PIP4K2A: variants seen among roughly 807,000 people sequenced by gnomAD.
PIP4K2A encodes the protein phosphatidylinositol 5-phosphate 4-kinase type-2 alpha.
PIP4K2A carries 14 observed loss-of-function variants against 42.9 expected under a neutral mutation model. The observed-to-expected ratio is 0.33, with a 90% CI of 0.22 to 0.51. PIP4K2A has a LOEUF of 0.51. Ranked by LOEUF, PIP4K2A falls within the 20% of genes least tolerant of loss-of-function variation. The pLI is 0.97. For missense variants in PIP4K2A, 434 were observed against 519.8 expected (o/e 0.83, Z 1.61); for synonymous variants, 192 against 192.2 (o/e 1.00, Z 0.01).
At chr10:22,652,122 A>ATT (rs35572224) in intron 1 of PIP4K2A, among the ~76,000 whole-genome samples, 37 of 147,442 alleles carry the variant, frequency 2.5e-4, no homozygotes, top group African/African-American at 4.0e-4. Context: ...CTGCACACAA[A>ATT]TTTTTTTTTT....
chr10:22,654,950 A>G (rs1839069598), intron 1 of PIP4K2A, among the ~76,000 whole-genome samples: 1 of 152,168 alleles, frequency 6.6e-6, no homozygotes, highest in South Asian at 2.1e-4. Context: ...GAGTGGACTG[A>G]AAAAACAGTG....
intron 1 of PIP4K2A, among the ~76,000 whole-genome samples, chr10:22,664,194 T>TATATATACATATATATATATAC (rs1554807322): frequency 6.0e-5 from 4 of 66,160 alleles, no homozygotes; most frequent in Non-Finnish European, 9.8e-5. Context: ...TATATATACA[T>TATATATACATATATATATATAC]ATATATATAC....
chr10:22,585,250 T>G (rs1564431456), intron 4 of PIP4K2A, among the ~76,000 whole-genome samples: 1 of 152,154 alleles, frequency 6.6e-6, no homozygotes, highest in Admixed American at 6.5e-5. Context: ...ATGAGGAGAT[T>G]TCAAAGAAGT....
At chr10:22,625,467 C>T (rs1232893982) in intron 1 of PIP4K2A, among the ~76,000 whole-genome samples, 1 of 152,014 alleles carries the variant, frequency 6.6e-6, no homozygotes, top group African/African-American at 2.4e-5. Context: ...ATTCGTATGC[C>T]CTGATTTCAC....
intron 1 of PIP4K2A, among the ~76,000 whole-genome samples, chr10:22,658,041 C>T (rs982894587): frequency 2.0e-5 from 3 of 151,860 alleles, no homozygotes; most frequent in Admixed American, 6.6e-5. Context: ...GGAAGAGAAA[C>T]GTGTAATTTT....
intron 1 of PIP4K2A, among the ~76,000 whole-genome samples, chr10:22,680,072 T>A (rs923137303): frequency 1.3e-5 from 2 of 152,126 alleles, no homozygotes; most frequent in African/African-American, 2.4e-5. Context: ...GTGAATTATA[T>A]CTCAATAAAG....
At chr10:22,712,463 AT>A (rs1833927191) in intron 1 of PIP4K2A, among the ~76,000 whole-genome samples, 1 of 152,198 alleles carries the variant, frequency 6.6e-6, no homozygotes, top group Admixed American at 6.5e-5. Context: ...AGCACCATAA[AT>A]ATGAGTAAGC....
chr10:22,559,798 CAAG>C (rs1836640576), intron 6 of PIP4K2A, among the ~76,000 whole-genome samples: 1 of 152,154 alleles, frequency 6.6e-6, no homozygotes, highest in Non-Finnish European at 1.5e-5. Context: ...TCATTTGAAA[CAAG>C]AGATTCTCAC....
chr10:22,638,900 G>A (rs180857038), intron 1 of PIP4K2A, among the ~76,000 whole-genome samples: 7 of 151,112 alleles, frequency 4.6e-5, no homozygotes, highest in African/African-American at 1.2e-4. Context: ...CTTAATATTA[G>A]CACTTGTTAA....
In PIP4K2A at chr10:22,591,611, A is replaced by C. The variant is rs749045799; in HGVS notation, c.492+18T>G. On this transcript the variant is annotated intron_variant, in intron 4 of 9. Transcript: ENST00000376573. ...GTTAATCTTCTTGGAGTTTCAAATA[A>C]AGATCAAGAAAAATTACCTGGTGGT... 6.3e-7 allele frequency: 1 copy of C among 1,585,712 alleles called. No homozygotes were observed. Among genetic ancestry groups the C allele is most frequent in the Admixed American group, 1.7e-5 (1 of 57,406 alleles).
intron 6 of PIP4K2A, among the ~76,000 whole-genome samples, chr10:22,553,020 CCAG>C (rs1265173099): frequency 6.6e-6 from 1 of 152,070 alleles, no homozygotes; most frequent in East Asian, 1.9e-4. Context: ...CAGGTTCACC[CCAG>C]CAGAATTACC....
chr10:22,609,098 T>C (rs1837974902), intron 2 of PIP4K2A, among the ~76,000 whole-genome samples: 1 of 152,242 alleles, frequency 6.6e-6, no homozygotes, highest in African/African-American at 2.4e-5. Context: ...GTGTCTTCTA[T>C]ATCATTGCAT....
intron 8 of PIP4K2A, among the ~76,000 whole-genome samples, chr10:22,540,829 A>C (rs948184889): frequency 6.6e-6 from 1 of 152,216 alleles, no homozygotes; most frequent in Non-Finnish European, 1.5e-5. Flanking sequence ...TGCTGGGATT[A>C]CAGGCATGAA....
chr10:22,679,261 A>AATAGCT (rs1239580330), intron 1 of PIP4K2A, among the ~76,000 whole-genome samples: 1 of 152,228 alleles, frequency 6.6e-6, no homozygotes, highest in African/African-American at 2.4e-5. Context: ...AAAATATCTG[A>AATAGCT]ATAGCTATTT....
At chr10:22,585,815 T>A (rs1837381437) in intron 4 of PIP4K2A, among the ~76,000 whole-genome samples, 1 of 152,090 alleles carries the variant, frequency 6.6e-6, no homozygotes, top group Non-Finnish European at 1.5e-5. Context: ...AGGCTGGTCT[T>A]GAACTCCTGG....
chr10:22,683,873 AC>A (rs1347608079), intron 1 of PIP4K2A, among the ~76,000 whole-genome samples: 3 of 148,826 alleles, frequency 2.0e-5, no homozygotes, highest in South Asian at 2.1e-4. Flanking sequence ...ACACACACAC[AC>A]AATTCAAAGT....
At chr10:22,627,659 T>C (rs1460691280) in intron 1 of PIP4K2A, among the ~76,000 whole-genome samples, 3 of 140,694 alleles carry the variant, frequency 2.1e-5, no homozygotes, top group African/African-American at 5.3e-5. Flanking sequence ...GCTGTGGCTT[T>C]GTACAAACCT....
intron 1 of PIP4K2A, among the ~76,000 whole-genome samples, chr10:22,658,596 A>T (rs1289767346): frequency 6.6e-6 from 1 of 152,214 alleles, no homozygotes; most frequent in African/African-American, 2.4e-5. Flanking sequence ...CTGCTTTTTT[A>T]AAAAATGTAA....
At chr10:22,544,860 C>T (rs1306762487) in intron 7 of PIP4K2A, among the ~76,000 whole-genome samples, 1 of 152,178 alleles carries the variant, frequency 6.6e-6, no homozygotes, top group African/African-American at 2.4e-5. Flanking sequence ...CAGGTACTTC[C>T]TCCTGTGCCT....
Sources: gnomAD v4.1 joint callset for allele counts (sites outside exome capture counted in the v4.1 genomes callset) on GRCh38, gnomAD v4.1.1 for gene constraint, MANE v1.5 for transcripts, NCBI Gene and HGNC (gene_info 2026-07-23, HGNC 2026-07-21) for gene names.